The following PLVAP variants were observed in gnomAD, a reference collection of about 807,000 sequenced individuals.
PLVAP encodes plasmalemma vesicle associated protein.
In PLVAP, 34 loss-of-function variants were observed where a neutral mutation model predicts 43.1. The observed-to-expected ratio is 0.79, with a 90% CI of 0.60 to 1.05. The LOEUF is 1.05. PLVAP is among the 50% of genes least tolerant of loss of function. The probability of loss-of-function intolerance (pLI) is 0.00; values close to 1 mark genes in which losing one functional copy is unlikely to be tolerated. For missense variants in PLVAP, 574 were observed against 593.4 expected, an observed-to-expected ratio of 0.97 and a Z score of 0.34; for synonymous variants, 241 against 237.3, an observed-to-expected ratio of 1.02 and a Z score of -0.14.
chr19:17,370,017 A>AAAG (rs2074566086), intron 1 of PLVAP, among the ~76,000 whole-genome samples: 1 of 151,534 alleles, frequency 6.6e-6, no homozygotes, highest in East Asian at 1.9e-4. Context: ...AAAAAAAAAA[A>AAAG]AAAAAAAAAG....
intron 1 of PLVAP, among the ~76,000 whole-genome samples, chr19:17,372,098 A>AG (rs1210943097): frequency 8.6e-4 from 131 of 151,706 alleles, no homozygotes; most frequent in African/African-American, 2.7e-3. Flanking sequence ...AAAAAAAAAA[A>AG]AAAAGGATGT....
chr19:17,376,966 T>A lies in PLVAP; in HGVS notation c.323A>T (p.Asp108Val), dbSNP rs771392551. The change falls in exon 1 of 6, where the codon GAC becomes GTC. Residue 108 changes from aspartate (D) to valine (V), a missense_variant. By Grantham distance (152) the Asp-to-Val change is radical. Transcript: ENST00000252590. ...IMQMWLNARR[D>V]LDRINASFRQ... ...GAAGCTGGCATTGATGCGGTCCAGG[T>A]CGCGGCGAGCATTCAGCCACATCTG... 6.2e-7 allele frequency: 1 copy of A among 1,614,002 alleles called. No homozygotes were observed. The highest frequency in any genetic ancestry group is 8.5e-7 in the Non-Finnish European group (1 of 1,180,000).
chr19:17,364,252 A>G (rs921844873), intron 3 of PLVAP, among the ~76,000 whole-genome samples: 1 of 151,890 alleles, frequency 6.6e-6, no homozygotes, highest in African/African-American at 2.4e-5. Flanking sequence ...CGCCCAGCTA[A>G]TTTTTTGTGT....
chr19:17,354,368 G>C (rs1034727475), intron 5 of PLVAP, among the ~76,000 whole-genome samples: 5 of 151,808 alleles, frequency 3.3e-5, no homozygotes, highest in Non-Finnish European at 7.4e-5. Context: ...AGACGGAGGT[G>C]GGCGGATCAC....
chr19:17,366,631 T>TTC (rs2074551221), intron 1 of PLVAP, among the ~76,000 whole-genome samples: 2 of 151,614 alleles, frequency 1.3e-5, no homozygotes, highest in South Asian at 4.2e-4. Flanking sequence ...TGAATTTCTT[T>TTC]TTTTTTTTTT....
chr19:17,372,811 T>C (rs1456393502), intron 1 of PLVAP, among the ~76,000 whole-genome samples: 1 of 146,120 alleles, frequency 6.8e-6, no homozygotes, highest in Non-Finnish European at 1.5e-5. Context: ...ACACCTGTAA[T>C]CCCAGCACTG....
At chr19:17,372,500 A>T (rs545907506) in intron 1 of PLVAP, among the ~76,000 whole-genome samples, 45 of 149,750 alleles carry the variant, frequency 3.0e-4, no homozygotes, top group African/African-American at 1.0e-3. Context: ...TCTGTCGCCC[A>T]GGCTGGAGTG....
At chr19:17,363,768 A>G in intron 3 of PLVAP, among the ~76,000 whole-genome samples, 1 of 139,728 alleles carries the variant, frequency 7.2e-6, no homozygotes. Flanking sequence ...TTTGAGAGAG[A>G]ATTTTGCTCT....
rs559147195 is a variant in PLVAP, at chr19:17,372,517, C to T, written c.369+4403G>A. Among the ~76,000 whole-genome samples the T allele has an allele frequency of 6.3e-3, 943 of 149,584 alleles. 11 individuals are homozygous for T. Among genetic ancestry groups the T allele is most frequent in the African/African-American group, 0.022 (892 of 41,118 alleles). On this transcript the variant is annotated intron_variant, in intron 1 of 5. Transcript: ENST00000252590. ...TGTCGCCCAGGCTGGAGTGCAGTGG[C>T]GCAATCTCGGCTCACTGCAAGCTCC...
At chr19:17,375,438 T>C (rs1462826676) in intron 1 of PLVAP, among the ~76,000 whole-genome samples, 1 of 152,128 alleles carries the variant, frequency 6.6e-6, no homozygotes, top group African/African-American at 2.4e-5. Context: ...TCTCAAATAT[T>C]GCATGGAATA....
intron 1 of PLVAP, among the ~76,000 whole-genome samples, chr19:17,372,706 T>C (rs1158382109): frequency 3.3e-5 from 5 of 150,190 alleles, no homozygotes; most frequent in African/African-American, 1.2e-4. Context: ...TCCACCCACC[T>C]CGGCCTCCCG....
intron 1 of PLVAP, among the ~76,000 whole-genome samples, chr19:17,373,100 A>G (rs912490560): frequency 1.7e-5 from 2 of 119,028 alleles, no homozygotes; most frequent in African/African-American, 6.6e-5. Context: ...AAAAGAAAGA[A>G]AAGACACCAG....
chr19:17,373,203 G>A (rs958100919), intron 1 of PLVAP, among the ~76,000 whole-genome samples: 1 of 152,030 alleles, frequency 6.6e-6, no homozygotes. Flanking sequence ...TGAGGGAGGG[G>A]CACAGTTATG....
At chr19:17,363,390 C>T (rs1011640136) in intron 3 of PLVAP, among the ~76,000 whole-genome samples, 2 of 152,186 alleles carry the variant, frequency 1.3e-5, no homozygotes, top group Non-Finnish European at 2.9e-5. Context: ...TGGTCTCGAA[C>T]TCCTGACCTC....
chr19:17,373,194 G>A (rs550900688), intron 1 of PLVAP, among the ~76,000 whole-genome samples: 1 of 151,818 alleles, frequency 6.6e-6, no homozygotes, highest in African/African-American at 2.4e-5. Context: ...GGGAGGGTCT[G>A]AGGGAGGGGC....
chr19:17,360,460 C>T, intron 5 of PLVAP, 68 bp downstream of exon 5: 3 of 1,507,692 alleles, frequency 2.0e-6, no homozygotes, highest in Non-Finnish European at 2.8e-6. Flanking sequence ...TCCCTCCACC[C>T]TCAGTCCTGG....
rs181463361 is a variant in PLVAP at position 17,368,623 on chromosome 19, G to A, written c.370-2428C>T. ...AGAAGAGATTTGGACACAGAGACAC[G>A]GACAGAAGGAAGACCAAGAGCAGAC... is the stretch of plus-strand genomic sequence containing the variant. On this transcript the variant is annotated intron_variant, in intron 1 of 5. Transcript: ENST00000252590. Among the ~76,000 whole-genome samples, 506 of 152,120 alleles carry A rather than the reference G, an allele frequency of 3.3e-3. 2 individuals carry two copies. Among genetic ancestry groups the A allele is most frequent in the African/African-American group, 0.012 (487 of 41,520 alleles).
chr19:17,370,916 C>T (rs1894869450), intron 1 of PLVAP, among the ~76,000 whole-genome samples: 2 of 151,386 alleles, frequency 1.3e-5, no homozygotes, highest in South Asian at 2.1e-4. Flanking sequence ...ATTAGCCAGG[C>T]GTGGTGGCGG....
intron 1 of PLVAP, 72 bp downstream of exon 1, chr19:17,376,848 G>A: frequency 7.0e-7 from 1 of 1,422,318 alleles, no homozygotes; most frequent in Non-Finnish European, 9.6e-7. Context: ...CTTGGATGAG[G>A]AAACTCAGGC....
Sources: gnomAD v4.1 joint callset for allele counts (sites outside exome capture counted in the v4.1 genomes callset) on GRCh38, gnomAD v4.1.1 for gene constraint, MANE v1.5 for transcripts, NCBI Gene and HGNC (gene_info 2026-07-23, HGNC 2026-07-21) for gene names.